EFCAB3: variants seen among roughly 807,000 people sequenced by gnomAD.
EFCAB3 encodes EF-hand calcium binding domain 3.
EFCAB3 carries 36 observed loss-of-function variants against 42.2 expected under a neutral mutation model. The ratio of observed to expected loss-of-function variants is 0.85; its 90% CI spans 0.65 to 1.13. The LOEUF (loss-of-function observed/expected upper bound fraction) is 1.13, where lower values mean the gene tolerates loss of function less well. Ranked by LOEUF, EFCAB3 falls within the 50% of genes most tolerant of loss-of-function variation. EFCAB3 has a pLI of 0.00. For synonymous variants in EFCAB3, 170 were observed against 172.8 expected, an observed-to-expected ratio of 0.98 and a Z score of 0.13; for missense variants, 418 against 505.1, an observed-to-expected ratio of 0.83 and a Z score of 1.65.
intron 8 of EFCAB3, among the ~76,000 whole-genome samples, chr17:62,411,848 GGAAGGAAA>G (rs2070499036): frequency 8.2e-6 from 1 of 121,316 alleles, no homozygotes; most frequent in Non-Finnish European, 1.8e-5. Flanking sequence ...AAGAAAGGAA[GGAAGGAAA>G]GAAGGAAGGA....
rs758648702 is a variant in EFCAB3 at position 62,407,067 on chromosome 17, C to G, written c.722C>G (p.Pro241Arg). ...TCAGATAGCCCATATTCAAAAATAC[C>G]CATCTTTCCATTGTTCCCTAATGTG... ...SGSDSPYSKI[P>R]IFPLFPNVDG... The change falls in exon 8 of 10, where the codon CCC becomes CGC. Residue 241 changes from proline (P) to arginine (R), a missense_variant. Physicochemically the swap from Pro to Arg is moderately radical, Grantham distance 103 (BLOSUM62 -2). Transcript: ENST00000305286. The G allele has an allele frequency of 4.4e-6, 7 of 1,598,746 alleles. No individual in the cohort carries two copies. The highest frequency in any genetic ancestry group is 5.1e-6 in the Non-Finnish European group (6 of 1,175,408).
chr17:62,415,950 A>G, intron 9 of EFCAB3, 53 bp from the exon 10 acceptor site: 1 of 1,423,830 alleles, frequency 7.0e-7, no homozygotes, highest in South Asian at 1.4e-5. Flanking sequence ...TGTGGTCCAC[A>G]AATCAAAGCT....
At position 62,397,477 on chromosome 17, in the gene EFCAB3, C is replaced by T. The variant is rs753958028; in HGVS notation, c.488+2289C>T. On this transcript the variant is annotated intron_variant, in intron 6 of 9. Coordinates refer to ENST00000305286, the MANE Select transcript of EFCAB3 (RefSeq NM_173503.4). ...ACCAGAAGTGGCATGAAAAACAGTACAAGAAAGCCCATTTGGGCACAGCCC... is the reference window on the plus strand; with the variant it reads ...ACCAGAAGTGGCATGAAAAACAGTATAAGAAAGCCCATTTGGGCACAGCCC... 8.9e-6 allele frequency: 5 copies of T among 559,100 alleles called. No homozygotes were observed. The Admixed American group carries it at 1.0e-4, about 11-fold the overall frequency. 34.6% of individuals were successfully genotyped at this position (559,100 alleles called of 1,614,324 possible).
intron 1 of EFCAB3, chr17:62,370,332 A>G: frequency 6.4e-7 from 1 of 1,551,558 alleles, no homozygotes; most frequent in Non-Finnish European, 8.7e-7. Flanking sequence ...GGTGAGGTGT[A>G]TGTTTTATAA....
At chr17:62,391,637 T>TTCCA (rs1268346134) in intron 3 of EFCAB3, among the ~76,000 whole-genome samples, 185 bp from the exon 4 acceptor site, 5 of 152,296 alleles carry the variant, frequency 3.3e-5, no homozygotes, top group Non-Finnish European at 7.4e-5. Context: ...AGTTAGTTCA[T>TTCCA]TCCAGTTCAA....
chr17:62,415,293 A>G (rs2070536851), intron 9 of EFCAB3, among the ~76,000 whole-genome samples: 1 of 152,088 alleles, frequency 6.6e-6, no homozygotes, highest in Non-Finnish European at 1.5e-5. Context: ...AAAAGTGAAC[A>G]TGTCCCTCTC....
intron 2 of EFCAB3, chr17:62,373,874 G>GA (rs1231961398): frequency 7.3e-7 from 1 of 1,366,034 alleles, no homozygotes; most frequent in Non-Finnish European, 1.0e-6. Context: ...AAACGTAAGT[G>GA]AAAATTTATT....
At chr17:62,408,441 A>G (rs2070466835) in intron 8 of EFCAB3, among the ~76,000 whole-genome samples, 1 of 152,206 alleles carries the variant, frequency 6.6e-6, no homozygotes, top group Non-Finnish European at 1.5e-5. Flanking sequence ...GAAACCCTCC[A>G]ATGGCTTTTC....
chr17:62,415,885 T>C (rs763929014), intron 9 of EFCAB3, 118 bp from the exon 10 acceptor site: 14 of 852,972 alleles, frequency 1.6e-5, no homozygotes, highest in East Asian at 2.6e-5. Context: ...ACCTAATGTA[T>C]AGATTCAGTG....
chr17:62,373,628 TTCA>T (rs1333444892), intron 1 of EFCAB3, among the ~76,000 whole-genome samples: 1 of 152,070 alleles, frequency 6.6e-6, no homozygotes, highest in Non-Finnish European at 1.5e-5. Flanking sequence ...AAAACAAAAG[TTCA>T]TCTTTTTTTT....
At chr17:62,413,680 A>T in intron 8 of EFCAB3, 52 bp from the exon 9 acceptor site, 1 of 1,404,382 alleles carries the variant, frequency 7.1e-7, no homozygotes, top group Non-Finnish European at 9.7e-7. Context: ...TTTTTGTTGT[A>T]TAATTCAAAT....
intron 2 of EFCAB3, among the ~76,000 whole-genome samples, chr17:62,385,948 C>T (rs1470353234): frequency 2.7e-5 from 4 of 150,786 alleles, no homozygotes; most frequent in African/African-American, 9.8e-5. Context: ...AGGATGGTCT[C>T]GATCTCCTGA....
At position 62,406,543 on chromosome 17, in the gene EFCAB3, C is replaced by T. The variant is rs2070449564; in HGVS notation, c.552C>T (p.Gly184=). 2 of 1,613,740 alleles carry T rather than the reference C, an allele frequency of 1.2e-6. No homozygotes were observed. Among genetic ancestry groups the T allele is most frequent in the East Asian group, 4.5e-5 (2 of 44,848 alleles). The change falls in exon 7 of 10, where the codon GGC becomes GGT. Residue 184 remains glycine, a synonymous_variant. Transcript: ENST00000305286. ...TGTTGTGGAGTCCCTACACTATGGG[C>T]TATGGAAAAAGGACACTTAAGCCAG... The part of the protein sequence containing the change: ...PGMLWSPYTM[G]YGKRTLKPDI...
At chr17:62,387,737 T>C (rs2070266020) in intron 3 of EFCAB3, among the ~76,000 whole-genome samples, 1 of 151,906 alleles carries the variant, frequency 6.6e-6, no homozygotes, top group Admixed American at 6.6e-5. Flanking sequence ...ACAGCTACAG[T>C]CCTAGGATTT....
intron 6 of EFCAB3, among the ~76,000 whole-genome samples, chr17:62,403,217 C>T (rs2070419350): frequency 6.6e-6 from 1 of 152,148 alleles, no homozygotes; most frequent in Non-Finnish European, 1.5e-5. Flanking sequence ...GAGCCAAAGG[C>T]GCAGCATAAT....
intron 7 of EFCAB3, 49 bp from the exon 8 acceptor site, chr17:62,406,979 A>G: frequency 6.5e-7 from 1 of 1,530,092 alleles, no homozygotes; most frequent in South Asian, 1.3e-5. Context: ...TTTTATGTGA[A>G]CTTCTTCTTA....
Position 62,388,109 on chromosome 17 carries a change from C to T in EFCAB3, c.151+693C>T, listed in dbSNP as rs189788214. ...CCTGTAATCCCAGCTATTTGGGAGG[C>T]TGAGGCAGGGAGAATTGCTTGAACC... is the stretch of plus-strand genomic sequence containing the variant. On this transcript the variant is annotated intron_variant, in intron 3 of 9. Transcript: ENST00000305286. Among the ~76,000 whole-genome samples the T allele has an allele frequency of 9.9e-5, 15 of 152,102 alleles. No individual in the cohort carries two copies. In the East Asian group the frequency reaches 2.5e-3, roughly 26 times the overall value.
intron 1 of EFCAB3, chr17:62,373,775 A>T: frequency 8.2e-7 from 1 of 1,217,778 alleles, no homozygotes; most frequent in African/African-American, 1.5e-5. Context: ...ATGAATTTTT[A>T]TGTGACTGCC....
chr17:62,372,746 C>T (rs1348332256), intron 1 of EFCAB3, among the ~76,000 whole-genome samples: 2 of 152,154 alleles, frequency 1.3e-5, no homozygotes, highest in African/African-American at 4.8e-5. Context: ...TCAACCTTTA[C>T]ATAGCAATGG....
Sources: allele counts gnomAD v4.1 joint callset (sites outside exome capture counted in the v4.1 genomes callset), GRCh38; gene constraint gnomAD v4.1.1; transcripts MANE v1.5; gene names NCBI Gene and HGNC (gene_info 2026-07-23, HGNC 2026-07-21).